CACNB2: variants seen among roughly 807,000 people sequenced by gnomAD.
The protein encoded by CACNB2 is voltage-dependent L-type calcium channel subunit beta-2.
A neutral mutation model predicts 73.3 loss-of-function variants in CACNB2; 42 were observed. The observed-to-expected ratio is 0.57, with a 90% CI of 0.45 to 0.74. The LOEUF (loss-of-function observed/expected upper bound fraction) is 0.74, where lower values mean the gene tolerates loss of function less well. CACNB2 is among the 30% of genes least tolerant of loss of function. The pLI, the probability that CACNB2 is intolerant of heterozygous loss-of-function variation, is 0.00. For missense variants in CACNB2, 940 were observed against 853.0 expected (o/e 1.10, Z -1.27); for synonymous variants, 348 against 310.3 (o/e 1.12, Z -1.28).
At chr10:18,536,532 G>C (rs1315254341) in intron 12 of CACNB2, among the ~76,000 whole-genome samples, 13 of 151,804 alleles carry the variant, frequency 8.6e-5, no homozygotes, top group Admixed American at 3.3e-4. Context: ...AAAGTGCTAG[G>C]ATTACAAGCA....
At chr10:18,483,120 A>G (rs1210131712) in intron 3 of CACNB2, among the ~76,000 whole-genome samples, 2 of 152,122 alleles carry the variant, frequency 1.3e-5, no homozygotes, top group Non-Finnish European at 2.9e-5. Flanking sequence ...GAGTGATCAC[A>G]TGGGGTTTCA....
intron 3 of CACNB2, among the ~76,000 whole-genome samples, chr10:18,497,021 G>T (rs1292215641): frequency 6.7e-6 from 1 of 149,168 alleles, no homozygotes; most frequent in Admixed American, 6.7e-5. Flanking sequence ...GACCAGCTTG[G>T]CCAACACAGT....
intron 2 of CACNB2, chr10:18,261,263 C>T (rs1220678005): frequency 6.4e-7 from 1 of 1,551,226 alleles, no homozygotes; most frequent in East Asian, 2.4e-5. Context: ...CGTTCTGCCC[C>T]CTCTTCATGC....
intron 2 of CACNB2, chr10:18,151,269 G>A (rs2031531134): frequency 6.9e-6 from 2 of 290,088 alleles, no homozygotes; most frequent in Non-Finnish European, 1.3e-5. Context: ...GATTTGGGGG[G>A]ATTGTTTTTT....
intron 3 of CACNB2, among the ~76,000 whole-genome samples, chr10:18,454,083 C>T (rs930848439): frequency 6.6e-6 from 1 of 152,186 alleles, no homozygotes; most frequent in Non-Finnish European, 1.5e-5. Context: ...TGAAGACAGT[C>T]TCTATTCTCT....
At chr10:18,336,027 G>A (rs2040991566) in intron 2 of CACNB2, among the ~76,000 whole-genome samples, 1 of 152,108 alleles carries the variant, frequency 6.6e-6, no homozygotes, top group South Asian at 2.1e-4. Flanking sequence ...GGCTGGGTTT[G>A]GAAAGCTGAT....
chr10:18,514,209 C>T, intron 6 of CACNB2, 27 bp from the exon 7 acceptor site: 3 of 1,613,126 alleles, frequency 1.9e-6, no homozygotes, highest in Non-Finnish European at 2.5e-6. Context: ...CTCCTGTCCA[C>T]CTGATTTTTG....
intron 2 of CACNB2, among the ~76,000 whole-genome samples, chr10:18,231,600 T>C (rs1244675401): frequency 2.0e-5 from 3 of 152,218 alleles, no homozygotes; most frequent in African/African-American, 7.2e-5. Flanking sequence ...CCATTGAACC[T>C]TCACTGGCAC....
intron 2 of CACNB2, among the ~76,000 whole-genome samples, chr10:18,154,506 C>T (rs35410995): frequency 0.11 from 16,243 of 151,694 alleles, 925 homozygotes; most frequent in African/African-American, 0.14. Flanking sequence ...CTCACTCTGT[C>T]GCCCAGGCTG....
intron 3 of CACNB2, among the ~76,000 whole-genome samples, chr10:18,460,584 T>C (rs1431133090): frequency 1.3e-5 from 2 of 152,048 alleles, no homozygotes; most frequent in African/African-American, 4.8e-5. Context: ...AACCCTCCCA[T>C]TTAAAAAAAT....
intron 3 of CACNB2, among the ~76,000 whole-genome samples, chr10:18,402,349 C>T (rs2044045704): frequency 6.8e-6 from 1 of 146,272 alleles, no homozygotes; most frequent in South Asian, 2.2e-4. Flanking sequence ...CTAATATCAA[C>T]ATGTTTTACT....
chr10:18,453,512 C>G (rs867055444), intron 3 of CACNB2, among the ~76,000 whole-genome samples: 1 of 152,244 alleles, frequency 6.6e-6, no homozygotes, highest in African/African-American at 2.4e-5. Flanking sequence ...TGTCCCAACT[C>G]ATTGTCTCCT....
chr10:18,509,743 T>C (rs2050669057), intron 6 of CACNB2, among the ~76,000 whole-genome samples: 1 of 152,126 alleles, frequency 6.6e-6, no homozygotes, highest in South Asian at 2.1e-4. Context: ...TGAGCCATGA[T>C]TATGTCACTG....
chr10:18,498,880 C>A, intron 4 of CACNB2: 1 of 223,308 alleles, frequency 4.5e-6, no homozygotes, highest in Non-Finnish European at 8.9e-6. Context: ...TCTCTGCTGA[C>A]AGTGTCTCAA....
intron 2 of CACNB2, among the ~76,000 whole-genome samples, chr10:18,176,820 G>A (rs555518689): frequency 2.9e-4 from 44 of 152,046 alleles, no homozygotes; most frequent in Admixed American, 2.9e-3. Context: ...TTGAAGAGGT[G>A]AAGGATGTGG....
intron 2 of CACNB2, chr10:18,340,833 G>A: frequency 6.2e-7 from 1 of 1,612,874 alleles, no homozygotes; most frequent in Non-Finnish European, 8.5e-7. Flanking sequence ...GTTCAGCAAA[G>A]CAAGACTTGG....
intron 2 of CACNB2, among the ~76,000 whole-genome samples, chr10:18,163,817 G>A (rs1031530329): frequency 1.3e-5 from 2 of 152,174 alleles, no homozygotes; most frequent in African/African-American, 4.8e-5. Context: ...CTGTGAGAGA[G>A]ACCAGGACCC....
At chr10:18,419,853 G>C (rs913135184) in intron 3 of CACNB2, among the ~76,000 whole-genome samples, 15 of 152,178 alleles carry the variant, frequency 9.9e-5, no homozygotes, top group Non-Finnish European at 1.9e-4. Context: ...CAGGCTATTA[G>C]TATTGTTATT....
intron 2 of CACNB2, among the ~76,000 whole-genome samples, chr10:18,246,102 T>A (rs184225881): frequency 1.3e-5 from 2 of 152,126 alleles, no homozygotes; most frequent in Admixed American, 6.5e-5. Flanking sequence ...GATGAAAGAC[T>A]GTGTGTCTAC....
Sources: allele counts gnomAD v4.1 joint callset (sites outside exome capture counted in the v4.1 genomes callset), GRCh38; gene constraint gnomAD v4.1.1; transcripts MANE v1.5; gene names NCBI Gene and HGNC (gene_info 2026-07-23, HGNC 2026-07-21).